Variants in SGPL1 observed in about 807,000 individuals in gnomAD.
The protein encoded by SGPL1 is SP-lyase 1.
SGPL1 carries 37 observed loss-of-function variants against 68.9 expected under a neutral mutation model. The observed-to-expected ratio is 0.54, with a 90% CI of 0.41 to 0.71. The LOEUF is 0.71. Among genes scored for constraint, SGPL1 ranks in the 30% least tolerant of loss-of-function variants. SGPL1 has a pLI of 0.00. For synonymous variants in SGPL1, 236 were observed against 248.5 expected (o/e 0.95, Z 0.47); for missense variants, 551 against 704.6 (o/e 0.78, Z 2.47).
At position 70,857,937 on chromosome 10, in the gene SGPL1, G is replaced by A. The variant is rs79709498; in HGVS notation, c.486+247G>A. On this transcript the variant is annotated intron_variant, in intron 6 of 14. Coordinates refer to ENST00000373202, the MANE Select transcript of SGPL1 (RefSeq NM_003901.4). ...TCTTTGCAGATGTCCTGTCTAGAAGGCAGATTACTAGGGAAGGTAGTCCTG... is the reference window on the plus strand; with the variant it reads ...TCTTTGCAGATGTCCTGTCTAGAAGACAGATTACTAGGGAAGGTAGTCCTG... Among the ~76,000 whole-genome samples, 139 of 152,268 alleles carry A rather than the reference G, an allele frequency of 9.1e-4. 1 individual carries two copies. In the East Asian group the frequency reaches 0.024, roughly 26 times the overall value.
chr10:70,820,753 C>T (rs1023595974), intron 2 of SGPL1, among the ~76,000 whole-genome samples: 3 of 151,036 alleles, frequency 2.0e-5, no homozygotes, highest in Admixed American at 6.6e-5. Flanking sequence ...CCAGCCTGGG[C>T]GACAGAGCGA....
At chr10:70,862,180 C>T (rs562580252) in intron 7 of SGPL1, among the ~76,000 whole-genome samples, 1 of 152,336 alleles carries the variant, frequency 6.6e-6, no homozygotes, top group South Asian at 2.1e-4. Context: ...TGTAAATACA[C>T]CAATCGGCAC....
intron 2 of SGPL1, among the ~76,000 whole-genome samples, chr10:70,832,736 C>T (rs572882691): frequency 1.3e-5 from 2 of 152,290 alleles, no homozygotes; most frequent in African/African-American, 4.8e-5. Context: ...TCATAGCAAA[C>T]TTAGCAACAT....
At chr10:70,817,043 G>A (rs1253671170) in intron 2 of SGPL1, among the ~76,000 whole-genome samples, 163 bp downstream of exon 2, 2 of 152,074 alleles carry the variant, frequency 1.3e-5, no homozygotes, top group Non-Finnish European at 2.9e-5. Context: ...TTTTGGAGAC[G>A]GAGTCTCACT....
chr10:70,832,771 T>C (rs866391340), intron 2 of SGPL1, among the ~76,000 whole-genome samples: 2 of 152,164 alleles, frequency 1.3e-5, no homozygotes, highest in South Asian at 2.1e-4. Context: ...TGCATATTTT[T>C]CCCCCCATAT....
chr10:70,853,952 G>A (rs765816293), intron 4 of SGPL1, among the ~76,000 whole-genome samples: 17 of 152,188 alleles, frequency 1.1e-4, no homozygotes, highest in Non-Finnish European at 2.2e-4. Flanking sequence ...ACTTGCACAA[G>A]GACCAGAATC....
At chr10:70,861,797 C>T (rs929243093) in intron 7 of SGPL1, among the ~76,000 whole-genome samples, 3 of 152,192 alleles carry the variant, frequency 2.0e-5, no homozygotes, top group African/African-American at 7.2e-5. Context: ...CCAGCAGCTG[C>T]GGAGGGGGTT....
At chr10:70,831,615 T>TC (rs1845536937) in intron 2 of SGPL1, among the ~76,000 whole-genome samples, 2 of 152,110 alleles carry the variant, frequency 1.3e-5, no homozygotes, top group Non-Finnish European at 2.9e-5. Context: ...GGGGAAGGGG[T>TC]GTGGAGCCTC....
At chr10:70,865,928 T>C (rs1244750027) in intron 7 of SGPL1, among the ~76,000 whole-genome samples, 1 of 152,152 alleles carries the variant, frequency 6.6e-6, no homozygotes, top group Non-Finnish European at 1.5e-5. Flanking sequence ...AAAGTGAGAG[T>C]TTTTATACAT....
chr10:70,832,384 TAGC>T (rs1241484818), intron 2 of SGPL1, among the ~76,000 whole-genome samples: 1 of 152,196 alleles, frequency 6.6e-6, no homozygotes, highest in African/African-American at 2.4e-5. Context: ...TCATCTCTAA[TAGC>T]AGCATGACTG....
chr10:70,835,735 C>CAAAAAAAAAAAAAAAAAAA (rs66962270), intron 2 of SGPL1, among the ~76,000 whole-genome samples: 25 of 70,138 alleles, frequency 3.6e-4, no homozygotes, highest in African/African-American at 1.4e-3. Flanking sequence ...GACTCCGTCT[C>CAAAAAAAAAAAAAAAAAAA]AAAAAAAAAA....
intron 8 of SGPL1, 152 bp from the exon 9 acceptor site, chr10:70,869,640 T>C (rs902567277): frequency 1.8e-5 from 10 of 568,982 alleles, no homozygotes; most frequent in Middle Eastern, 3.4e-4. Flanking sequence ...TTGGGTGTGC[T>C]TAAAAAGAAA....
At chr10:70,861,723 G>C (rs376221987) in intron 7 of SGPL1, among the ~76,000 whole-genome samples, 1 of 152,228 alleles carries the variant, frequency 6.6e-6, no homozygotes, top group East Asian at 1.9e-4. Context: ...GGCTTGGCGG[G>C]CCCCGCACTC....
At chr10:70,869,710 C>A in intron 8 of SGPL1, 82 bp from the exon 9 acceptor site, 1 of 995,062 alleles carries the variant, frequency 1.0e-6, no homozygotes, top group Non-Finnish European at 1.5e-6. Context: ...GAACTTACTC[C>A]CGGTAATTTA....
chr10:70,818,180 G>T (rs908149517), intron 2 of SGPL1, among the ~76,000 whole-genome samples: 1 of 152,152 alleles, frequency 6.6e-6, no homozygotes, highest in Admixed American at 6.5e-5. Flanking sequence ...GAGTGCAATG[G>T]CACAATCTCA....
At chr10:70,839,697 A>T (rs1485613177) in intron 2 of SGPL1, among the ~76,000 whole-genome samples, 2 of 152,194 alleles carry the variant, frequency 1.3e-5, no homozygotes, top group Non-Finnish European at 2.9e-5. Context: ...AATTATAAGT[A>T]TATATTCAGA....
chr10:70,854,741 A>G lies in SGPL1; in HGVS notation c.295A>G (p.Ile99Val), dbSNP rs1193293214. ...CAAGTTGAACAAGACCAAGGATGAT[A>G]TTAGCAAGAACATGTCATTCCTGAA... is the stretch of plus-strand genomic sequence containing the variant. ...QDKLNKTKDD[I>V]SKNMSFLKVD... The change falls in exon 5 of 15, where the codon ATT becomes GTT. Residue 99 changes from isoleucine (I) to valine (V), a missense_variant. Ile to Val is a conservative substitution (Grantham distance 29). Transcript: ENST00000373202. The G allele has an allele frequency of 1.9e-6, 3 of 1,613,574 alleles. No individual in the cohort carries two copies. In the Admixed American group the frequency reaches 5.0e-5, roughly 27 times the overall value.
chr10:70,847,392 G>T (rs1403392629), intron 3 of SGPL1, among the ~76,000 whole-genome samples: 1 of 151,948 alleles, frequency 6.6e-6, no homozygotes, highest in Non-Finnish European at 1.5e-5. Flanking sequence ...CAGGTGATCC[G>T]CCCACCTCAA....
In SGPL1 at chr10:70,815,990, C is replaced by T. The variant is rs1220441975; in HGVS notation, c.-180C>T. On this transcript the variant is annotated 5_prime_UTR_variant, in exon 1 of 15. Coordinates refer to ENST00000373202, the MANE Select transcript of SGPL1 (RefSeq NM_003901.4). ...GGCCGGCGGCTGCCGGGCCTCCAAT[C>T]TCGGCGGCGGCGGCGGCAACAGGGG... is the stretch of plus-strand genomic sequence containing the variant. The T allele has an allele frequency of 6.6e-6, 1 of 151,480 alleles. No homozygotes were observed. The highest frequency in any genetic ancestry group is 1.5e-5 in the Non-Finnish European group (1 of 67,904). 9.4% of individuals were successfully genotyped at this position (151,480 alleles called of 1,614,324 possible).
Sources: gnomAD v4.1 joint callset for allele counts (sites outside exome capture counted in the v4.1 genomes callset) on GRCh38, gnomAD v4.1.1 for gene constraint, MANE v1.5 for transcripts, NCBI Gene and HGNC (gene_info 2026-07-23, HGNC 2026-07-21) for gene names.